Variants in PTPRM observed in about 807,000 individuals in gnomAD.
PTPRM encodes the protein receptor-type tyrosine-protein phosphatase mu.
Under a neutral mutation model 186.7 loss-of-function variants are expected in PTPRM, and 47 were observed. The observed-to-expected ratio is 0.25, with a 90% confidence interval of 0.20 to 0.32. The LOEUF is 0.32. Ranked by LOEUF, PTPRM falls within the 10% of genes least tolerant of loss-of-function variation. The probability of loss-of-function intolerance (pLI) is 1.00; values close to 1 mark genes in which losing one functional copy is unlikely to be tolerated. For missense variants in PTPRM, 1,494 were observed against 1,865.0 expected (o/e 0.80, Z 3.66); for synonymous variants, 668 against 674.9 (o/e 0.99, Z 0.16).
intron 22 of PTPRM, among the ~76,000 whole-genome samples, chr18:8,329,694 C>T (rs182785263): frequency 2.1e-3 from 226 of 109,136 alleles, no homozygotes; most frequent in Non-Finnish European, 3.5e-3. Context: ...ATACCAGTGA[C>T]TTCAGAATTA....
intron 1 of PTPRM, among the ~76,000 whole-genome samples, chr18:7,571,131 G>A (rs1263325164): frequency 6.6e-6 from 1 of 151,848 alleles, no homozygotes; most frequent in East Asian, 1.9e-4. Flanking sequence ...TAGTAGAGAC[G>A]GGTTTTCACC....
At position 7,941,776 on chromosome 18, in the gene PTPRM, C is replaced by G. The variant is rs532499055; in HGVS notation, c.664-7405C>G. On this transcript the variant is annotated intron_variant, in intron 5 of 32. Coordinates refer to ENST00000580170, the MANE Select transcript of PTPRM (RefSeq NM_001105244.2). Reference sequence around the variant, plus strand: ...CACCTGATCTTCCTGGCAGTTAGCCCATCTTGTTCTCCTTGTGTCCACAGA... The same window carrying G: ...CACCTGATCTTCCTGGCAGTTAGCCGATCTTGTTCTCCTTGTGTCCACAGA... Among the ~76,000 whole-genome samples, 3 of 152,342 alleles carry G rather than the reference C, an allele frequency of 2.0e-5. No homozygotes were observed. In the South Asian group the frequency reaches 6.2e-4, roughly 32 times the overall value.
rs77887366 is a variant in PTPRM at position 7,757,897 on chromosome 18, G to T, written c.74-16252G>T. ...GGATGCAGGGGATGCTGGTGGTGAT[G>T]CCCTTTAGTCATGGGGAGATAAAAG... On this transcript the variant is annotated intron_variant, in intron 1 of 32. Coordinates refer to ENST00000580170, the MANE Select transcript of PTPRM (RefSeq NM_001105244.2). Among the ~76,000 whole-genome samples the T allele has an allele frequency of 5.6e-3, 858 of 152,180 alleles. 31 individuals are homozygous for T. In the East Asian group the frequency reaches 0.097, roughly 17 times the overall value.
intron 1 of PTPRM, among the ~76,000 whole-genome samples, chr18:7,729,190 G>T (rs528891126): frequency 6.6e-6 from 1 of 152,308 alleles, no homozygotes; most frequent in East Asian, 1.9e-4. Flanking sequence ...GATTATAGAT[G>T]TGAGCCCACA....
intron 14 of PTPRM, among the ~76,000 whole-genome samples, chr18:8,242,763 G>C (rs1046164989): frequency 2.0e-5 from 3 of 152,172 alleles, no homozygotes; most frequent in Non-Finnish European, 4.4e-5. Context: ...GTGTCATTTA[G>C]AAATGGTAAT....
intron 5 of PTPRM, among the ~76,000 whole-genome samples, chr18:7,944,737 C>T (rs1437009738): frequency 6.6e-6 from 1 of 152,138 alleles, no homozygotes; most frequent in Non-Finnish European, 1.5e-5. Context: ...TCTGTGCTCT[C>T]TCTTGGCTCC....
chr18:7,604,302 T>C (rs956034223), intron 1 of PTPRM, among the ~76,000 whole-genome samples: 7 of 152,214 alleles, frequency 4.6e-5, no homozygotes, highest in African/African-American at 9.6e-5. Flanking sequence ...CCTGGCCACA[T>C]GCCAGATGCA....
chr18:7,677,311 A>G (rs57208702), intron 1 of PTPRM, among the ~76,000 whole-genome samples: 11,426 of 152,264 alleles, frequency 0.075, 457 homozygotes, highest in South Asian at 0.15. Context: ...TTTACTTTTC[A>G]GCAGTAATAT....
chr18:7,740,951 T>C (rs972597893), intron 1 of PTPRM, among the ~76,000 whole-genome samples: 1 of 151,874 alleles, frequency 6.6e-6, no homozygotes, highest in African/African-American at 2.4e-5. Flanking sequence ...AAGCAGGGAG[T>C]AGGGCATGAT....
chr18:8,311,686 G>T (rs756549677), intron 20 of PTPRM, among the ~76,000 whole-genome samples: 9 of 152,190 alleles, frequency 5.9e-5, no homozygotes, highest in Non-Finnish European at 1.0e-4. Flanking sequence ...TGTCTTACAG[G>T]TTTCTCCATC....
At chr18:8,271,954 G>A (rs1181435796) in intron 19 of PTPRM, among the ~76,000 whole-genome samples, 2 of 152,124 alleles carry the variant, frequency 1.3e-5, no homozygotes, top group Non-Finnish European at 2.9e-5. Flanking sequence ...GCTCACGCCT[G>A]TAATCCCAGC....
rs1180363206 is a variant in PTPRM, at chr18:7,776,227, T to A, written c.196+1956T>A. On this transcript the variant is annotated intron_variant, in intron 2 of 32. Transcript: ENST00000580170. Reference sequence around the variant, plus strand: ...TTTGTAGCATAAGATCTGTGAGTGTTACATCTTGTAACGCTTTTGTCAAGT... The same window carrying A: ...TTTGTAGCATAAGATCTGTGAGTGTAACATCTTGTAACGCTTTTGTCAAGT... 2.6e-5 allele frequency among the ~76,000 whole-genome samples: 4 copies of A among 152,370 alleles called. No homozygotes were observed. The East Asian group carries it at 7.7e-4, about 29-fold the overall frequency.
At chr18:8,218,315 A>G (rs79741666) in intron 14 of PTPRM, among the ~76,000 whole-genome samples, 7,723 of 152,334 alleles carry the variant, frequency 0.051, 245 homozygotes, top group Non-Finnish European at 0.068. Context: ...GCAGATTACC[A>G]ACAACGTGAC....
chr18:7,996,722 C>T (rs1599941894), intron 7 of PTPRM, among the ~76,000 whole-genome samples: 1 of 150,638 alleles, frequency 6.6e-6, no homozygotes, highest in Admixed American at 6.6e-5. Context: ...TAACAAAAGT[C>T]GGTAGCATTT....
At chr18:7,728,541 T>C (rs2040593652) in intron 1 of PTPRM, among the ~76,000 whole-genome samples, 1 of 152,208 alleles carries the variant, frequency 6.6e-6, no homozygotes, top group Non-Finnish European at 1.5e-5. Context: ...ATAGGTAGTA[T>C]TGGAAAAGAC....
intron 1 of PTPRM, among the ~76,000 whole-genome samples, chr18:7,604,524 G>A (rs1262270095): frequency 2.6e-5 from 4 of 152,270 alleles, no homozygotes; most frequent in Admixed American, 2.6e-4. Context: ...AGTGGGCCCT[G>A]GAGGGGCTGC....
At chr18:7,671,289 G>A (rs763077107) in intron 1 of PTPRM, among the ~76,000 whole-genome samples, 3 of 152,128 alleles carry the variant, frequency 2.0e-5, no homozygotes, top group Non-Finnish European at 4.4e-5. Context: ...AATGCTTGAC[G>A]GAATATTGCT....
chr18:7,905,192 C>T (rs1040396882), intron 3 of PTPRM, among the ~76,000 whole-genome samples: 1 of 152,100 alleles, frequency 6.6e-6, no homozygotes, highest in Non-Finnish European at 1.5e-5. Context: ...TGGGGTTTCA[C>T]CATATTGGCC....
intron 17 of PTPRM, among the ~76,000 whole-genome samples, chr18:8,252,212 C>CT (rs2094534098): frequency 6.6e-6 from 1 of 152,160 alleles, no homozygotes; most frequent in African/African-American, 2.4e-5. Flanking sequence ...ACAAATAAGA[C>CT]TTATTTAGAC....
Sources: allele counts gnomAD v4.1 joint callset (sites outside exome capture counted in the v4.1 genomes callset), GRCh38; gene constraint gnomAD v4.1.1; transcripts MANE v1.5; gene names NCBI Gene and HGNC (gene_info 2026-07-23, HGNC 2026-07-21).